DDX1: variants seen among roughly 807,000 people sequenced by gnomAD.
DDX1 encodes the protein ATP-dependent RNA helicase DDX1.
A neutral mutation model predicts 108.7 loss-of-function variants in DDX1; 28 were observed. That is an observed-to-expected ratio of 0.26 (90% CI 0.19 to 0.35). The LOEUF (loss-of-function observed/expected upper bound fraction) is 0.35, where lower values mean the gene tolerates loss of function less well. Ranked by LOEUF, DDX1 falls within the 10% of genes least tolerant of loss-of-function variation. DDX1 has a pLI of 1.00. For synonymous variants in DDX1, 295 were observed against 288.9 expected, an observed-to-expected ratio of 1.02 and a Z score of -0.21; for missense variants, 710 against 884.5, an observed-to-expected ratio of 0.80 and a Z score of 2.50.
intron 14 of DDX1, among the ~76,000 whole-genome samples, 196 bp downstream of exon 14, chr2:15,613,480 A>G (rs60269778): frequency 0.24 from 36,478 of 152,022 alleles, 5,384 homozygotes; most frequent in African/African-American, 0.42. Context: ...AGACCTCTCA[A>G]GCAAAATTCC....
At chr2:15,595,336 A>G in intron 2 of DDX1, 140 bp downstream of exon 2, 1 of 933,362 alleles carries the variant, frequency 1.1e-6, no homozygotes, top group Non-Finnish European at 1.6e-6. Context: ...AATTATGGAA[A>G]GTTTCCTTTT....
At chr2:15,627,829 G>T (rs530081350) in intron 20 of DDX1, among the ~76,000 whole-genome samples, 2 of 152,132 alleles carry the variant, frequency 1.3e-5, no homozygotes, top group Admixed American at 1.3e-4. Context: ...AAAACACATC[G>T]CATGGCCTCG....
chr2:15,596,703 C>G lies in DDX1; in HGVS notation c.133-31C>G, dbSNP rs1204876357. On this transcript the variant is annotated intron_variant, in intron 3 of 25. Transcript: ENST00000233084. ...TGATTTCTTTAATAGACAACTTAAT[C>G]TGTAAAATCAACTTTTTTCCCCTCA... is the stretch of plus-strand genomic sequence containing the variant. 2.5e-6 allele frequency: 4 copies of G among 1,602,656 alleles called. No individual in the cohort carries two copies. In the African/African-American group the frequency reaches 4.0e-5, roughly 16 times the overall value.
At chr2:15,619,351 G>T (rs1411005206) in intron 16 of DDX1, among the ~76,000 whole-genome samples, 1 of 152,202 alleles carries the variant, frequency 6.6e-6, no homozygotes, top group Non-Finnish European at 1.5e-5. Context: ...CAGAGTGGTG[G>T]AGACTCTGGG....
intron 13 of DDX1, among the ~76,000 whole-genome samples, chr2:15,607,609 C>G (rs140650656): frequency 2.5e-3 from 376 of 151,882 alleles, no homozygotes; most frequent in African/African-American, 8.7e-3. Context: ...TTTCTGAGAC[C>G]GGGATCTCAA....
chr2:15,606,855 T>C (rs1665670414), intron 12 of DDX1, among the ~76,000 whole-genome samples: 1 of 152,162 alleles, frequency 6.6e-6, no homozygotes, highest in African/African-American at 2.4e-5. Context: ...GATCTCACTG[T>C]GTCACCCAGG....
chr2:15,607,412 G>A, intron 13 of DDX1, 99 bp downstream of exon 13: 1 of 1,053,108 alleles, frequency 9.5e-7, no homozygotes, highest in Non-Finnish European at 1.4e-6. Context: ...AATTCAGTGT[G>A]TATACATAAT....
chr2:15,623,304 A>G, intron 18 of DDX1, 132 bp from the exon 19 acceptor site: 2 of 743,856 alleles, frequency 2.7e-6, no homozygotes, highest in Non-Finnish European at 4.3e-6. Flanking sequence ...TTATCTATAT[A>G]TAATACTTTT....
chr2:15,606,956 T>A (rs1665672156), intron 12 of DDX1, among the ~76,000 whole-genome samples: 1 of 152,182 alleles, frequency 6.6e-6, no homozygotes, highest in South Asian at 2.1e-4. Context: ...CCCAAAGTGC[T>A]AGGATTGCAG....
intron 12 of DDX1, 136 bp from the exon 13 acceptor site, chr2:15,607,039 C>T (rs1665673684): frequency 1.2e-6 from 1 of 862,828 alleles, no homozygotes; most frequent in Non-Finnish European, 1.8e-6. Context: ...AAGGTTTATT[C>T]TGTTTGACTG....
rs141927898 is a variant in DDX1 at position 15,599,540 on chromosome 2, T to A, written c.260-129T>A. 3,452 of 528,556 alleles carry A rather than the reference T, an allele frequency of 6.5e-3. 101 individuals carry two copies. The highest frequency in any genetic ancestry group is 0.058 in the African/African-American group (2,917 of 50,530). 32.7% of individuals were successfully genotyped at this position (528,556 alleles called of 1,614,324 possible). ...GTTGGCCAGGCTGGTCTTGAACTCC[T>A]GACCTCAAGTGAACCACCCACGTCA... On this transcript the variant is annotated intron_variant, in intron 5 of 25. Transcript: ENST00000233084.
intron 13 of DDX1, among the ~76,000 whole-genome samples, chr2:15,612,332 C>T (rs1014498083): frequency 6.1e-5 from 9 of 146,592 alleles, no homozygotes; most frequent in Non-Finnish European, 1.2e-4. Context: ...CCAGACGGGG[C>T]GGCGGGGCAG....
intron 1 of DDX1, among the ~76,000 whole-genome samples, 170 bp from the exon 2 acceptor site, chr2:15,594,975 C>G (rs1297804066): frequency 6.6e-6 from 1 of 152,220 alleles, no homozygotes; most frequent in Admixed American, 6.5e-5. Context: ...GATTTGAACT[C>G]AGGTCTTTCT....
intron 13 of DDX1, among the ~76,000 whole-genome samples, chr2:15,611,809 C>T (rs1412446585): frequency 2.9e-5 from 3 of 102,790 alleles, no homozygotes; most frequent in Non-Finnish European, 3.8e-5. Context: ...ACCTCCCTCC[C>T]GGACGGGGCG....
At chr2:15,616,542 G>C (rs550323916) in intron 14 of DDX1, among the ~76,000 whole-genome samples, 15 of 152,304 alleles carry the variant, frequency 9.8e-5, no homozygotes, top group Non-Finnish European at 2.9e-5. Context: ...TTCTATGTAT[G>C]TTTGAAAAGT....
At chr2:15,628,406 T>C in intron 20 of DDX1, 39 bp from the exon 21 acceptor site, 1 of 1,459,056 alleles carries the variant, frequency 6.9e-7, no homozygotes, top group Non-Finnish European at 9.6e-7. Context: ...TTAGTATATG[T>C]GCTAACAAAC....
chr2:15,604,622 T>G (rs998555093), intron 10 of DDX1, 113 bp downstream of exon 10: 4 of 694,696 alleles, frequency 5.8e-6, no homozygotes, highest in Non-Finnish European at 1.0e-5. Context: ...TCCCTGCCTT[T>G]ACTTGAACTA....
At chr2:15,608,803 C>T (rs754507295) in intron 13 of DDX1, among the ~76,000 whole-genome samples, 1 of 151,878 alleles carries the variant, frequency 6.6e-6, no homozygotes, top group Non-Finnish European at 1.5e-5. Flanking sequence ...CTCAGCCTCC[C>T]GAGTAGCTGA....
At position 15,628,666 on chromosome 2, in the gene DDX1, G is replaced by A. The variant is rs200300566; in HGVS notation, c.1788G>A (p.Lys596=). The A allele has an allele frequency of 9.3e-6, 15 of 1,613,000 alleles. No homozygotes were observed. The Admixed American group carries it at 2.5e-4, about 27-fold the overall frequency. ...YVINVTLPDE[K]QNYVHRIGRV... Reference sequence around the variant, plus strand: ...TAAATGTCACTCTGCCCGATGAAAAGCAAAACTACGTACATCGAATTGGCA... The same window carrying A: ...TAAATGTCACTCTGCCCGATGAAAAACAAAACTACGTACATCGAATTGGCA... Residue 596 remains lysine (K), a synonymous_variant, in exon 22 of 26, where the codon AAG becomes AAA. Transcript: ENST00000233084.
Sources: allele counts gnomAD v4.1 joint callset (sites outside exome capture counted in the v4.1 genomes callset), GRCh38; gene constraint gnomAD v4.1.1; transcripts MANE v1.5; gene names NCBI Gene and HGNC (gene_info 2026-07-23, HGNC 2026-07-21).